SNX25: variants seen among roughly 807,000 people sequenced by gnomAD.
SNX25 encodes the protein sorting nexin 25.
In SNX25, 62 loss-of-function variants were observed where a neutral mutation model predicts 113.7. The ratio of observed to expected loss-of-function variants is 0.55; its 90% CI spans 0.44 to 0.67. The LOEUF is 0.67. Ranked by LOEUF, SNX25 falls within the 30% of genes least tolerant of loss-of-function variation. The pLI is 0.00. For synonymous variants in SNX25, 421 were observed against 436.2 expected, an observed-to-expected ratio of 0.97 and a Z score of 0.43; for missense variants, 1,014 against 1,161.0, an observed-to-expected ratio of 0.87 and a Z score of 1.84.
chr4:185,271,642 A>G (rs76182550), intron 5 of SNX25, among the ~76,000 whole-genome samples: 2,884 of 152,358 alleles, frequency 0.019, 88 homozygotes, highest in African/African-American at 0.057. Flanking sequence ...GGTGTTTTAC[A>G]TTACTATCTT....
At chr4:185,302,867 T>C (rs1364181508) in intron 6 of SNX25, among the ~76,000 whole-genome samples, 1 of 152,204 alleles carries the variant, frequency 6.6e-6, no homozygotes, top group African/African-American at 2.4e-5. Flanking sequence ...CAGTGCCTGC[T>C]GTCCCTTCCC....
At chr4:185,271,473 T>C (rs989211276) in intron 5 of SNX25, among the ~76,000 whole-genome samples, 1 of 152,198 alleles carries the variant, frequency 6.6e-6, no homozygotes, top group Non-Finnish European at 1.5e-5. Context: ...GGTCTTGAAC[T>C]CCTGGCCTCA....
At chr4:185,272,302 A>G (rs1404834255) in intron 5 of SNX25, among the ~76,000 whole-genome samples, 4 of 152,234 alleles carry the variant, frequency 2.6e-5, no homozygotes, top group Non-Finnish European at 5.9e-5. Context: ...AGTGAAACTC[A>G]CAATTGCCAT....
the SNX25 span, chr4:185,377,541 A>C: frequency 0.023 from 3,810 of 166,238 alleles, 149 homozygotes; most frequent in African/African-American, 0.083. Context: ...ACAACAACAA[A>C]CAATACTTGT....
chr4:185,274,742 G>C (rs905747428), intron 5 of SNX25, among the ~76,000 whole-genome samples: 1 of 152,224 alleles, frequency 6.6e-6, no homozygotes, highest in African/African-American at 2.4e-5. Flanking sequence ...ATTAAGCACA[G>C]TGTTGGATTC....
At chr4:185,280,556 A>G (rs891045983) in intron 5 of SNX25, among the ~76,000 whole-genome samples, 3 of 152,228 alleles carry the variant, frequency 2.0e-5, no homozygotes, top group Non-Finnish European at 4.4e-5. Context: ...TACTTTAGAG[A>G]AAGTAAAAAC....
chr4:185,232,760 C>T lies in SNX25; in HGVS notation c.430-14534C>T, dbSNP rs780583646. Among the ~76,000 whole-genome samples, 2 of 152,150 alleles carry T rather than the reference C, an allele frequency of 1.3e-5. No individual in the cohort carries two copies. The highest frequency in any genetic ancestry group is 2.4e-5 in the African/African-American group (1 of 41,416). Reference sequence around the variant, plus strand: ...CAGCATTTATGTTCAGTGCTATCAGCGAGAACTATTATGACATGAGAATTC... The same window carrying T: ...CAGCATTTATGTTCAGTGCTATCAGTGAGAACTATTATGACATGAGAATTC... On this transcript the variant is annotated intron_variant, in intron 1 of 18. Transcript: ENST00000652585. This position sits in a 1 kb window ranked among gnomAD's most constrained non-coding sequence, Gnocchi z 4.4.
In SNX25 at chr4:185,210,136, G is replaced by C. The variant is rs1737500129; in HGVS notation, c.310G>C (p.Ala104Pro). 7 of 983,988 alleles carry C rather than the reference G, an allele frequency of 7.1e-6. No homozygotes were observed. The South Asian group carries it at 2.8e-4, about 40-fold the overall frequency. The allele number at this position is 983,988 out of a possible 1,614,324, so 61.0% of individuals were successfully genotyped here. ...LSLYLSCAAA[A>P]FLLGILFALV... ...CCTGTACCTGAGCTGCGCGGCGGCC[G>C]CCTTCCTGCTGGGGATCCTGTTTGC... Residue 104 changes from alanine to proline, a missense_variant, in exon 1 of 19, where the codon GCC becomes CCC. Transcript: ENST00000652585. This position sits in a 1 kb window ranked among gnomAD's most constrained non-coding sequence, Gnocchi z 4.4.
intron 10 of SNX25, among the ~76,000 whole-genome samples, chr4:185,336,359 T>C (rs1444337054): frequency 1.3e-5 from 2 of 152,202 alleles, no homozygotes; most frequent in African/African-American, 4.8e-5. Context: ...GTCCAGTGTA[T>C]CATTCTCATG....
chr4:185,376,970 T>G, the SNX25 span: 1 of 1,614,104 alleles, frequency 6.2e-7, no homozygotes, highest in Admixed American at 1.7e-5. Context: ...CAGTATTCTT[T>G]CCTTCAAGAG....
At chr4:185,315,545 C>T (rs2095066768) in intron 7 of SNX25, among the ~76,000 whole-genome samples, 1 of 152,114 alleles carries the variant, frequency 6.6e-6, no homozygotes, top group South Asian at 2.1e-4. Flanking sequence ...CCGCCTGCCT[C>T]TGTCTCCCAA....
chr4:185,212,220 C>T (rs758467219), intron 1 of SNX25, among the ~76,000 whole-genome samples: 17 of 151,878 alleles, frequency 1.1e-4, no homozygotes, highest in Non-Finnish European at 2.5e-4. Flanking sequence ...TCAAATGATC[C>T]GCCCTCCTCA....
downstream of SNX25, chr4:185,367,300 CTTCTT>C (rs2095391637): frequency 2.2e-6 from 3 of 1,336,606 alleles, no homozygotes; most frequent in Non-Finnish European, 1.0e-6. Flanking sequence ...TTGGGTCTTT[CTTCTT>C]TTTTTTTTTT....
downstream of SNX25, among the ~76,000 whole-genome samples, chr4:185,370,359 T>C (rs2126783963): frequency 6.6e-6 from 1 of 152,308 alleles, no homozygotes; most frequent in East Asian, 1.9e-4. Flanking sequence ...ACTGTTCAGC[T>C]TTAAGGTCTT....
chr4:185,224,969 T>A (rs895535211), intron 1 of SNX25, among the ~76,000 whole-genome samples: 2 of 152,096 alleles, frequency 1.3e-5, no homozygotes, highest in East Asian at 3.8e-4. Context: ...TTTCAAGAAG[T>A]CATTCAGAGT....
At position 185,291,114 on chromosome 4, in the gene SNX25, C is replaced by T. The variant is rs147716298; in HGVS notation, c.1162+3032C>T. Among the ~76,000 whole-genome samples, 217 of 152,232 alleles carry T rather than the reference C, an allele frequency of 1.4e-3. 1 individual carries two copies. The highest frequency in any genetic ancestry group is 4.8e-3 in the African/African-American group (200 of 41,536). Reference sequence around the variant, plus strand: ...GGGAAGTGTGACATGACCTCTGTTACGTTCTAAATGCCTTTCTGGCCCTGA... The same window carrying T: ...GGGAAGTGTGACATGACCTCTGTTATGTTCTAAATGCCTTTCTGGCCCTGA... On this transcript the variant is annotated intron_variant, in intron 6 of 18. Coordinates refer to ENST00000652585, the MANE Select transcript of SNX25 (RefSeq NM_001378034.2).
At chr4:185,235,295 T>C (rs766560719) in intron 1 of SNX25, among the ~76,000 whole-genome samples, 3 of 152,228 alleles carry the variant, frequency 2.0e-5, no homozygotes, top group Non-Finnish European at 4.4e-5. Flanking sequence ...AAAATCAGGA[T>C]ACAGATGTAG....
At chr4:185,239,620 G>A (rs950697251) in intron 1 of SNX25, among the ~76,000 whole-genome samples, 1 of 151,878 alleles carries the variant, frequency 6.6e-6, no homozygotes, top group Non-Finnish European at 1.5e-5. Context: ...TTTTCAAATA[G>A]GTTTAAATCT....
At chr4:185,377,624 G>T in the SNX25 span, 1 of 166,742 alleles carries the variant, frequency 6.0e-6, no homozygotes, top group African/African-American at 2.4e-5. Context: ...ATAAGTCTAT[G>T]CATTGGTTTG....
Sources: gnomAD v4.1 joint callset for allele counts (sites outside exome capture counted in the v4.1 genomes callset) on GRCh38, gnomAD v4.1.1 for gene constraint, Gnocchi (gnomAD v3.1) non-coding constraint, MANE v1.5 for transcripts, NCBI Gene and HGNC (gene_info 2026-07-23, HGNC 2026-07-21) for gene names.